GM2A: variants seen among roughly 807,000 people sequenced by gnomAD.
The protein encoded by GM2A is GM2 ganglioside activator.
Under a neutral mutation model 12.9 loss-of-function variants are expected in GM2A, and 7 were observed. The ratio of observed to expected loss-of-function variants is 0.54; its 90% CI spans 0.31 to 1.02. The LOEUF (loss-of-function observed/expected upper bound fraction) is 1.02, where lower values mean the gene tolerates loss of function less well. GM2A is among the 50% of genes least tolerant of loss of function. The pLI, the probability that GM2A is intolerant of heterozygous loss-of-function variation, is 0.05. For synonymous variants in GM2A, 101 were observed against 96.0 expected (o/e 1.05, Z -0.30); for missense variants, 246 against 241.0 (o/e 1.02, Z -0.14).
At position 151,269,005 on chromosome 5, in the gene GM2A, A is replaced by C. The variant is rs1753955183; in HGVS notation, c.*1554A>C. ...CTCACCTGTGAGCTGTGGGGATCAC[A>C]AGGCTGCCTGCCTCAGTCTTGGAGT... On this transcript the variant is annotated 3_prime_UTR_variant, in exon 4 of 4. Coordinates refer to ENST00000357164, the MANE Select transcript of GM2A (RefSeq NM_000405.5). The C allele has an allele frequency of 2.0e-6, 2 of 985,478 alleles. No homozygotes were observed. The highest frequency in any genetic ancestry group is 2.4e-6 in the Non-Finnish European group (2 of 829,976). 61.0% of individuals were successfully genotyped at this position (985,478 alleles called of 1,614,324 possible).
intron 2 of GM2A, among the ~76,000 whole-genome samples, chr5:151,262,773 G>T (rs773180894): frequency 1.3e-5 from 2 of 152,152 alleles, no homozygotes; most frequent in Non-Finnish European, 2.9e-5. Context: ...CTGATCTGGA[G>T]TGTGGGCTCT....
rs565719946 is a variant in GM2A at position 151,267,518 on chromosome 5, C to T, written c.*67C>T. 1 of 1,607,836 alleles carries T rather than the reference C, an allele frequency of 6.2e-7. No individual in the cohort carries two copies. The highest frequency in any genetic ancestry group is 1.1e-5 in the South Asian group (1 of 89,916). On this transcript the variant is annotated 3_prime_UTR_variant, in exon 4 of 4. Transcript: ENST00000357164. ...TCCCTTTTCCTCTGTTTTGTGTTTG[C>T]CAAGGCCAAACTCCCACTCTCTGCC... is the stretch of plus-strand genomic sequence containing the variant.
chr5:151,259,729 C>T (rs1753758055), intron 1 of GM2A, 26 bp from the exon 2 acceptor site: 1 of 1,610,212 alleles, frequency 6.2e-7, no homozygotes, highest in African/African-American at 1.3e-5. Context: ...TCTTCTTCTC[C>T]TTCCTTGCTG....
At chr5:151,258,714 T>C (rs1006748) in intron 1 of GM2A, among the ~76,000 whole-genome samples, 2,657 of 152,244 alleles carry the variant, frequency 0.017, 67 homozygotes, top group African/African-American at 0.059. Flanking sequence ...AATTCCAAAA[T>C]TGGGCAGAGA....
At chr5:151,254,981 T>C (rs760207255) in intron 1 of GM2A, among the ~76,000 whole-genome samples, 1 of 152,060 alleles carries the variant, frequency 6.6e-6, no homozygotes, top group Non-Finnish European at 1.5e-5. Flanking sequence ...ACCCCATAAA[T>C]GTATACAACT....
chr5:151,254,485 C>T (rs938386774), intron 1 of GM2A, among the ~76,000 whole-genome samples: 6 of 152,178 alleles, frequency 3.9e-5, no homozygotes, highest in African/African-American at 1.4e-4. Flanking sequence ...GTAGCTGGGA[C>T]TGCAGGTGTG....
chr5:151,262,308 T>C (rs1406501873), intron 2 of GM2A, among the ~76,000 whole-genome samples: 1 of 152,206 alleles, frequency 6.6e-6, no homozygotes, highest in African/African-American at 2.4e-5. Flanking sequence ...TAGTACCAGT[T>C]TTGTGTTAAT....
rs1010057941 is a variant in GM2A at position 151,269,238 on chromosome 5, C to T, written c.*1787C>T. 1.5e-5 allele frequency: 15 copies of T among 985,288 alleles called. No individual in the cohort carries two copies. Among genetic ancestry groups the T allele is most frequent in the South Asian group, 1.4e-4 (3 of 21,292 alleles). 61.0% of individuals were successfully genotyped at this position (985,288 alleles called of 1,614,324 possible). A position where few individuals can be genotyped will look rare whatever the true frequency, so the allele number is the denominator to read the frequency against. On this transcript the variant is annotated 3_prime_UTR_variant, in exon 4 of 4. Coordinates refer to ENST00000357164, the MANE Select transcript of GM2A (RefSeq NM_000405.5). Reference sequence around the variant, plus strand: ...AATAGCAATAAATCTTTTTAACTTGCGGACAGTTTCCCCTTGCCTTGGCTG... The same window carrying T: ...AATAGCAATAAATCTTTTTAACTTGTGGACAGTTTCCCCTTGCCTTGGCTG...
At chr5:151,262,656 G>A (rs1753817603) in intron 2 of GM2A, among the ~76,000 whole-genome samples, 1 of 152,216 alleles carries the variant, frequency 6.6e-6, no homozygotes, top group Non-Finnish European at 1.5e-5. Context: ...AGGGGGTCAA[G>A]CCCTGTACCC....
At chr5:151,266,528 A>G (rs888022797) in intron 2 of GM2A, among the ~76,000 whole-genome samples, 2 of 151,676 alleles carry the variant, frequency 1.3e-5, no homozygotes, top group African/African-American at 4.8e-5. Context: ...AATGTCTGCC[A>G]TGGGCACAAT....
chr5:151,266,268 C>T (rs184965954), intron 2 of GM2A, among the ~76,000 whole-genome samples: 6 of 152,106 alleles, frequency 3.9e-5, no homozygotes, highest in Admixed American at 2.0e-4. Context: ...TGCTTGAGGC[C>T]AGGAGTTCCA....
Position 151,270,053 on chromosome 5 carries a change from T to C in GM2A, c.*2602T>C. ...CTTGACCGAATCTCAGTAGCTCAGT[T>C]AATCTTTTTATGTCTGCTCTGCTCT... On this transcript the variant is annotated 3_prime_UTR_variant, in exon 4 of 4. Transcript: ENST00000357164. 3.3e-6 allele frequency: 4 copies of C among 1,230,582 alleles called. No homozygotes were observed. Among genetic ancestry groups the C allele is most frequent in the East Asian group, 3.2e-5 (1 of 31,672 alleles). 76.2% of individuals were successfully genotyped at this position (1,230,582 alleles called of 1,614,324 possible).
chr5:151,259,158 G>T (rs1753746978), intron 1 of GM2A, among the ~76,000 whole-genome samples: 1 of 152,132 alleles, frequency 6.6e-6, no homozygotes, highest in Non-Finnish European at 1.5e-5. Flanking sequence ...GTCCACTGGG[G>T]ATTATTCATC....
intron 1 of GM2A, among the ~76,000 whole-genome samples, chr5:151,255,749 T>C (rs1753673544): frequency 6.6e-6 from 1 of 152,244 alleles, no homozygotes; most frequent in Admixed American, 6.5e-5. Flanking sequence ...ACCTTTTGAC[T>C]TCATTTGCCT....
chr5:151,255,512 T>C (rs911800591), intron 1 of GM2A, among the ~76,000 whole-genome samples: 1 of 152,026 alleles, frequency 6.6e-6, no homozygotes, highest in Admixed American at 6.5e-5. Context: ...TTCTGATCAT[T>C]CCCCTGTCTC....
Position 151,269,177 on chromosome 5 carries a change from C to A in GM2A, c.*1726C>A, listed in dbSNP as rs944530778. ...ACATCATAACAACTTCTGAAACACA[C>A]ACCAGCCCTGAGTTCTGGGCTCATT... On this transcript the variant is annotated 3_prime_UTR_variant, in exon 4 of 4. Transcript: ENST00000357164. The A allele has an allele frequency of 7.1e-6, 7 of 985,436 alleles. No individual in the cohort carries two copies. Among genetic ancestry groups the A allele is most frequent in the Non-Finnish European group, 8.4e-6 (7 of 829,916 alleles). 61.0% of individuals were successfully genotyped at this position (985,436 alleles called of 1,614,324 possible). A position where few individuals can be genotyped will look rare whatever the true frequency, so the allele number is the denominator to read the frequency against.
rs772862761 is a variant in GM2A at position 151,266,718 on chromosome 5, T to G, written c.244-13T>G. The G allele has an allele frequency of 3.5e-5, 57 of 1,609,262 alleles. No individual in the cohort carries two copies. Among genetic ancestry groups the G allele is most frequent in the Middle Eastern group, 1.6e-4 (1 of 6,072 alleles). ...AACCTTTTTCAAACCTTTGTTTTAT[T>G]TTTTTTTACCAGGTGGATTTAGTTT... On this transcript the variant is annotated splice_polypyrimidine_tract_variant and intron_variant, in intron 2 of 3. Transcript: ENST00000357164.
rs1018936798 is a variant in GM2A, at chr5:151,268,386, C to T, written c.*935C>T. ...GCCAGGATGGTCTCGATCTCTTGACCTCGTGATCTGTCCACCTTGGCCTTG... is the reference window on the plus strand; with the variant it reads ...GCCAGGATGGTCTCGATCTCTTGACTTCGTGATCTGTCCACCTTGGCCTTG... On this transcript the variant is annotated 3_prime_UTR_variant, in exon 4 of 4. Coordinates refer to ENST00000357164, the MANE Select transcript of GM2A (RefSeq NM_000405.5). The T allele has an allele frequency of 2.6e-6, 2 of 764,224 alleles. No homozygotes were observed. Among genetic ancestry groups the T allele is most frequent in the Admixed American group, 6.3e-5 (1 of 15,970 alleles). 47.3% of individuals were successfully genotyped at this position (764,224 alleles called of 1,614,324 possible).
chr5:151,266,289 G>A (rs1753883152), intron 2 of GM2A, among the ~76,000 whole-genome samples: 1 of 151,958 alleles, frequency 6.6e-6, no homozygotes, highest in Admixed American at 6.6e-5. Context: ...GACCAGCCTG[G>A]GCAACAAAGT....
Sources: allele counts gnomAD v4.1 joint callset (sites outside exome capture counted in the v4.1 genomes callset), GRCh38; gene constraint gnomAD v4.1.1; transcripts MANE v1.5; gene names NCBI Gene and HGNC (gene_info 2026-07-23, HGNC 2026-07-21).